Variants in OTOGL observed in about 807,000 individuals in gnomAD.
The protein encoded by OTOGL is otogelin-like protein.
In OTOGL, 285 loss-of-function variants were observed where a neutral mutation model predicts 318.5. The observed-to-expected ratio is 0.89, with a 90% CI of 0.81 to 0.99. OTOGL has a LOEUF of 0.99. Ranked by LOEUF, OTOGL falls within the 50% of genes least tolerant of loss-of-function variation. OTOGL has a pLI of 0.00. For synonymous variants in OTOGL, 987 were observed against 936.5 expected, an observed-to-expected ratio of 1.05 and a Z score of -0.99; for missense variants, 2,899 against 2,845.6, an observed-to-expected ratio of 1.02 and a Z score of -0.43.
chr12:80,371,473 T>C (rs983274223), intron 56 of OTOGL, among the ~76,000 whole-genome samples: 1 of 152,126 alleles, frequency 6.6e-6, no homozygotes, highest in African/African-American at 2.4e-5. Flanking sequence ...CTAATATTTA[T>C]AGCGTAAATC....
chr12:80,372,936 T>C (rs1890971854), intron 57 of OTOGL, among the ~76,000 whole-genome samples: 1 of 152,114 alleles, frequency 6.6e-6, no homozygotes, highest in Admixed American at 6.6e-5. Flanking sequence ...ATCTGCCCAC[T>C]TCGGCCTCCC....
chr12:80,308,004 G>C (rs1221466081), intron 29 of OTOGL, among the ~76,000 whole-genome samples: 1 of 141,700 alleles, frequency 7.1e-6, no homozygotes, highest in African/African-American at 2.7e-5. Context: ...CCGGGCAGAG[G>C]CGCCCCTCAC....
At chr12:80,196,630 T>A (rs1247564190) in intron 1 of OTOGL, among the ~76,000 whole-genome samples, 1 of 152,200 alleles carries the variant, frequency 6.6e-6, no homozygotes, top group Admixed American at 6.5e-5. Flanking sequence ...CATGTTGGTC[T>A]CTGCTGCAGG....
chr12:80,209,530 T>A lies in OTOGL; in HGVS notation c.79+20T>A, dbSNP rs772857977. ...TACAAGGTAAGAACTCAGATTAAAT[T>A]TTTATGTTAATTTATTGTATTTTTG... is the stretch of plus-strand genomic sequence containing the variant. On this transcript the variant is annotated intron_variant, in intron 2 of 58. Coordinates refer to ENST00000547103, the MANE Select transcript of OTOGL (RefSeq NM_001378609.3). 2.6e-5 allele frequency: 36 copies of A among 1,398,286 alleles called. No homozygotes were observed. In the South Asian group the frequency reaches 4.1e-4, roughly 16 times the overall value. 86.6% of individuals were successfully genotyped at this position (1,398,286 alleles called of 1,614,324 possible). A position where few individuals can be genotyped will look rare whatever the true frequency, so the allele number is the denominator to read the frequency against.
intron 7 of OTOGL, among the ~76,000 whole-genome samples, chr12:80,227,132 T>C (rs1013535781): frequency 3.3e-5 from 5 of 152,140 alleles, no homozygotes; most frequent in Non-Finnish European, 7.3e-5. Flanking sequence ...TCTCACTGAT[T>C]CTTGCCTATT....
Position 80,251,739 on chromosome 12 carries a change from A to G in OTOGL, c.1099A>G (p.Arg367Gly). ...TTGCCGAGCAGCCACTGAGTATGCT[A>G]GAGCCTGCTCTCATGCTGGCTACCC... Reference protein sequence around the residue: ...TYCRAATEYARACSHAGYPIQ... With the variant: ...TYCRAATEYAGACSHAGYPIQ... Residue 367 changes from arginine to glycine, a missense_variant, in exon 12 of 59, where the codon AGA (arginine) becomes GGA (glycine). Physicochemically the swap from Arg to Gly is moderately radical, Grantham distance 125 (BLOSUM62 -2). Coordinates refer to ENST00000547103, the MANE Select transcript of OTOGL (RefSeq NM_001378609.3). 1.3e-6 allele frequency: 2 copies of G among 1,595,718 alleles called. No homozygotes were observed. The highest frequency in any genetic ancestry group is 1.1e-5 in the South Asian group (1 of 87,542).
intron 32 of OTOGL, among the ~76,000 whole-genome samples, chr12:80,317,769 T>C (rs1298717773): frequency 6.6e-6 from 1 of 152,160 alleles, no homozygotes; most frequent in Non-Finnish European, 1.5e-5. Flanking sequence ...TTTTGGCTCA[T>C]GGAGAAACAC....
At chr12:80,133,458 A>T (rs967198971) in intron 1 of OTOGL, 1 of 152,198 alleles carries the variant, frequency 6.6e-6, no homozygotes, top group Non-Finnish European at 1.5e-5. Flanking sequence ...TCATTCATTA[A>T]CTTTTCAAAT....
intron 1 of OTOGL, among the ~76,000 whole-genome samples, chr12:80,175,067 G>C (rs993843574): frequency 5.3e-5 from 8 of 152,246 alleles, no homozygotes; most frequent in Middle Eastern, 3.4e-3. Context: ...GGCTGCAAAA[G>C]CATAGAACAC....
chr12:80,228,834 G>T (rs1879109060), intron 7 of OTOGL, among the ~76,000 whole-genome samples: 1 of 151,666 alleles, frequency 6.6e-6, no homozygotes, highest in South Asian at 2.1e-4. Flanking sequence ...GTGAGTTCAT[G>T]GTCACTTTTC....
At chr12:80,257,215 A>G (rs1447797140) in intron 17 of OTOGL, among the ~76,000 whole-genome samples, 1 of 152,038 alleles carries the variant, frequency 6.6e-6, no homozygotes, top group East Asian at 1.9e-4. Flanking sequence ...CAAATATGAA[A>G]TTATCATTTT....
At chr12:80,147,708 C>T (rs1872492649) in intron 1 of OTOGL, among the ~76,000 whole-genome samples, 1 of 152,122 alleles carries the variant, frequency 6.6e-6, no homozygotes, top group Admixed American at 6.6e-5. Context: ...TTGTAGGTCA[C>T]TCAGGACCTG....
intron 44 of OTOGL, among the ~76,000 whole-genome samples, chr12:80,345,126 T>C (rs1889099055): frequency 7.4e-6 from 1 of 135,604 alleles, no homozygotes; most frequent in Admixed American, 8.3e-5. Flanking sequence ...TATTATGTTA[T>C]ATATTATAAT....
chr12:80,279,042 G>A lies in OTOGL; in HGVS notation c.2804G>A (p.Gly935Glu). The part of the protein sequence containing the change: ...TPCYTCVCRR[G>E]MFNCTYYPCP... ...TTTTTTAATAGCGTTTGTCGACGAG[G>A]AATGTTCAATTGCACATATTATCCA... Residue 935 changes from glycine (G) to glutamate (E), a missense_variant, in exon 26 of 59, where the codon GGA (glycine) becomes GAA (glutamate). Gly to Glu is a moderately conservative substitution (Grantham distance 98). This residue lies in a region of OTOGL where 2,607 missense variants were observed against 2,524.9 expected (regional missense o/e 1.03). Coordinates refer to ENST00000547103, the MANE Select transcript of OTOGL (RefSeq NM_001378609.3). 6.3e-7 allele frequency: 1 copy of A among 1,594,840 alleles called. No homozygotes were observed. The highest frequency in any genetic ancestry group is 1.1e-5 in the South Asian group (1 of 90,734).
At chr12:80,229,742 T>C (rs1473802883) in intron 8 of OTOGL, among the ~76,000 whole-genome samples, 2 of 152,130 alleles carry the variant, frequency 1.3e-5, no homozygotes, top group Non-Finnish European at 2.9e-5. Flanking sequence ...AATATTTTCT[T>C]CTTTCTTTGA....
intron 22 of OTOGL, among the ~76,000 whole-genome samples, chr12:80,269,475 C>T (rs1337675498): frequency 1.3e-5 from 2 of 152,174 alleles, no homozygotes; most frequent in Non-Finnish European, 2.9e-5. Flanking sequence ...TTCAATGGCT[C>T]ACCTCAGGGG....
chr12:80,214,717 T>G (rs1412339756), intron 4 of OTOGL, among the ~76,000 whole-genome samples: 1 of 152,112 alleles, frequency 6.6e-6, no homozygotes. Flanking sequence ...TAAACAAGAA[T>G]AGCAGTGCCT....
At chr12:80,144,728 A>T (rs1211656609) in intron 1 of OTOGL, among the ~76,000 whole-genome samples, 1 of 152,070 alleles carries the variant, frequency 6.6e-6, no homozygotes, top group Non-Finnish European at 1.5e-5. Context: ...TTGTTTCCTG[A>T]CTTTATAATG....
At chr12:80,210,706 C>G (rs1416699062) in intron 2 of OTOGL, 141 bp from the exon 3 acceptor site, 1 of 546,158 alleles carries the variant, frequency 1.8e-6, no homozygotes, top group Non-Finnish European at 3.0e-6. Context: ...CTGGTCAAAT[C>G]CCTCTAAAAA....
Sources: gnomAD v4.1 joint callset for allele counts (sites outside exome capture counted in the v4.1 genomes callset) on GRCh38, gnomAD v4.1.1 for gene constraint, gnomAD v4.1.1 regional missense constraint, MANE v1.5 for transcripts, NCBI Gene and HGNC (gene_info 2026-07-23, HGNC 2026-07-21) for gene names.